Variants in PPP1R14C observed in about 807,000 individuals in gnomAD.
PPP1R14C encodes the protein protein phosphatase 1 regulatory subunit 14C.
Under a neutral mutation model 20.4 loss-of-function variants are expected in PPP1R14C, and 16 were observed. The observed-to-expected ratio is 0.78, with a 90% CI of 0.53 to 1.19. PPP1R14C has a LOEUF of 1.19. Ranked by LOEUF, PPP1R14C falls within the 50% of genes most tolerant of loss-of-function variation. PPP1R14C has a pLI of 0.00. For synonymous variants in PPP1R14C, 91 were observed against 91.0 expected (o/e 1.00, Z 0.00); for missense variants, 211 against 220.1 (o/e 0.96, Z 0.26).
chr6:150,210,899 C>T (rs1324797287), intron 1 of PPP1R14C, among the ~76,000 whole-genome samples: 2 of 152,154 alleles, frequency 1.3e-5, no homozygotes, highest in African/African-American at 2.4e-5. Flanking sequence ...TGGCCCCCAT[C>T]GACGTGCATA....
intron 1 of PPP1R14C, among the ~76,000 whole-genome samples, chr6:150,209,386 A>T (rs1477045843): frequency 6.6e-6 from 1 of 152,006 alleles, no homozygotes; most frequent in Non-Finnish European, 1.5e-5. Flanking sequence ...TGACAGTGTA[A>T]ACTTTCTGGC....
chr6:150,163,543 T>C (rs1777393886), intron 1 of PPP1R14C, among the ~76,000 whole-genome samples: 1 of 152,066 alleles, frequency 6.6e-6, no homozygotes, highest in Non-Finnish European at 1.5e-5. Context: ...ACTGCAGGGG[T>C]CCCTCGTGTG....
intron 1 of PPP1R14C, among the ~76,000 whole-genome samples, chr6:150,193,795 C>T (rs1475888992): frequency 6.6e-6 from 1 of 152,126 alleles, no homozygotes; most frequent in East Asian, 1.9e-4. Context: ...TAGGATGTAG[C>T]TCTGGAGCCC....
At chr6:150,147,830 C>T (rs758931393) in intron 1 of PPP1R14C, among the ~76,000 whole-genome samples, 4 of 152,108 alleles carry the variant, frequency 2.6e-5, no homozygotes, top group Non-Finnish European at 4.4e-5. Context: ...CCCTGACTCC[C>T]CATTACCCCC....
chr6:150,212,747 G>T (rs972852772), intron 1 of PPP1R14C, among the ~76,000 whole-genome samples: 1 of 152,110 alleles, frequency 6.6e-6, no homozygotes, highest in Admixed American at 6.5e-5. Flanking sequence ...TGTTTTTAAC[G>T]TACCGTTTCT....
At chr6:150,219,723 C>T (rs1778144208) in intron 3 of PPP1R14C, among the ~76,000 whole-genome samples, 1 of 152,178 alleles carries the variant, frequency 6.6e-6, no homozygotes, top group Non-Finnish European at 1.5e-5. Flanking sequence ...CTACTCTCTG[C>T]ATTGTCTCTG....
At chr6:150,227,480 C>A (rs1778243532) in intron 3 of PPP1R14C, among the ~76,000 whole-genome samples, 1 of 152,192 alleles carries the variant, frequency 6.6e-6, no homozygotes, top group Non-Finnish European at 1.5e-5. Flanking sequence ...AATTGCTTGA[C>A]AGAATGTGCT....
intron 1 of PPP1R14C, among the ~76,000 whole-genome samples, chr6:150,173,211 C>T (rs1471342694): frequency 6.6e-6 from 1 of 151,992 alleles, no homozygotes; most frequent in Non-Finnish European, 1.5e-5. Flanking sequence ...CCATTTTTTC[C>T]ACGAATGCCC....
At chr6:150,169,537 G>A (rs372671404) in intron 1 of PPP1R14C, among the ~76,000 whole-genome samples, 2 of 152,170 alleles carry the variant, frequency 1.3e-5, no homozygotes, top group African/African-American at 4.8e-5. Context: ...AAAGGTTGTC[G>A]TTGTTGTTAG....
chr6:150,216,495 AAAAC>A (rs1188953083), intron 2 of PPP1R14C, among the ~76,000 whole-genome samples: 84 of 152,252 alleles, frequency 5.5e-4, no homozygotes, highest in Admixed American at 2.6e-3. Context: ...ATTCTGTCTC[AAAAC>A]AAACAAACAA....
At chr6:150,184,784 CA>C (rs1226385624) in intron 1 of PPP1R14C, among the ~76,000 whole-genome samples, 2 of 152,196 alleles carry the variant, frequency 1.3e-5, no homozygotes, top group African/African-American at 4.8e-5. Context: ...GTGTAAGACA[CA>C]GTGCCTTACA....
intron 3 of PPP1R14C, among the ~76,000 whole-genome samples, chr6:150,246,185 G>A (rs184220009): frequency 8.0e-4 from 122 of 152,114 alleles, no homozygotes; most frequent in Admixed American, 6.7e-3. Flanking sequence ...CTGTAGGGTC[G>A]ATTATTCCTT....
chr6:150,143,247 G>A lies in PPP1R14C; in HGVS notation c.55G>A (p.Ala19Thr). The A allele has an allele frequency of 7.1e-7, 1 of 1,413,952 alleles. No individual in the cohort carries two copies. The highest frequency in any genetic ancestry group is 9.1e-7 in the Non-Finnish European group (1 of 1,096,442). The allele number at this position is 1,413,952 out of a possible 1,614,324, so 87.6% of individuals were successfully genotyped here. ...ETAGGASGGG[A>T]RVFFQSPRGG... The stretch of plus-strand genomic sequence containing the variant: ...GGCCGGCGGGGCCAGCGGCGGCGGC[G>A]CACGGGTTTTCTTCCAAAGCCCCCG... Residue 19 changes from alanine (A) to threonine (T), a missense_variant, in exon 1 of 4, where the codon GCA becomes ACA. Coordinates refer to ENST00000361131, the MANE Select transcript of PPP1R14C (RefSeq NM_030949.3). This position sits in a 1 kb window ranked among gnomAD's most constrained non-coding sequence, Gnocchi z 5.6.
At chr6:150,220,296 T>A (rs950484108) in intron 3 of PPP1R14C, among the ~76,000 whole-genome samples, 4 of 152,116 alleles carry the variant, frequency 2.6e-5, no homozygotes, top group African/African-American at 7.2e-5. Flanking sequence ...AGATTCAGGA[T>A]TTTTAGAGTT....
chr6:150,148,772 T>A (rs1289235583), intron 1 of PPP1R14C, among the ~76,000 whole-genome samples: 2 of 152,182 alleles, frequency 1.3e-5, no homozygotes, highest in East Asian at 3.9e-4. Flanking sequence ...AGGAATAAAT[T>A]ACACATGCAA....
At chr6:150,240,109 C>T (rs908665157) in intron 3 of PPP1R14C, among the ~76,000 whole-genome samples, 3 of 151,824 alleles carry the variant, frequency 2.0e-5, no homozygotes, top group Non-Finnish European at 4.4e-5. Flanking sequence ...AAACAAAAGC[C>T]GATTCTTTGA....
intron 1 of PPP1R14C, among the ~76,000 whole-genome samples, chr6:150,210,448 T>C (rs560375053): frequency 6.6e-6 from 1 of 152,376 alleles, no homozygotes; most frequent in African/African-American, 2.4e-5. Context: ...CAAGCCCTGT[T>C]GCTTCGCACC....
chr6:150,207,376 G>A (rs1334200929), intron 1 of PPP1R14C, among the ~76,000 whole-genome samples: 1 of 152,200 alleles, frequency 6.6e-6, no homozygotes, highest in African/African-American at 2.4e-5. Flanking sequence ...AAATGGCCTG[G>A]CCACCTGTGC....
Position 150,143,188 on chromosome 6 carries a change from G to A in PPP1R14C, c.-5G>A. On this transcript the variant is annotated 5_prime_UTR_variant, in exon 1 of 4. Transcript: ENST00000361131. This position sits in a 1 kb window ranked among gnomAD's most constrained non-coding sequence, Gnocchi z 5.6. The stretch of plus-strand genomic sequence containing the variant: ...GGCCGCACTGAGGCTCGGGCGCGCG[G>A]GGACATGTCGGTGGCGACGGGCAGC... 1 of 1,329,298 alleles carries A rather than the reference G, an allele frequency of 7.5e-7. No individual in the cohort carries two copies. The highest frequency in any genetic ancestry group is 9.5e-7 in the Non-Finnish European group (1 of 1,049,296). 82.3% of individuals were successfully genotyped at this position (1,329,298 alleles called of 1,614,324 possible).
Sources: allele counts gnomAD v4.1 joint callset (sites outside exome capture counted in the v4.1 genomes callset), GRCh38; gene constraint gnomAD v4.1.1; non-coding constraint Gnocchi (gnomAD v3.1); transcripts MANE v1.5; gene names NCBI Gene and HGNC (gene_info 2026-07-23, HGNC 2026-07-21).